The following NUP210 variants were observed in gnomAD, a reference collection of about 807,000 sequenced individuals.
NUP210 encodes nucleoporin 210.
NUP210 carries 151 observed loss-of-function variants against 196.0 expected under a neutral mutation model. The observed-to-expected ratio is 0.77, with a 90% CI of 0.67 to 0.88. The LOEUF is 0.88. NUP210 is among the 40% of genes least tolerant of loss of function. NUP210 has a pLI of 0.00. For synonymous variants in NUP210, 1,070 were observed against 1,052.7 expected, an observed-to-expected ratio of 1.02 and a Z score of -0.32; for missense variants, 2,314 against 2,493.7, an observed-to-expected ratio of 0.93 and a Z score of 1.53.
Position 13,348,305 on chromosome 3 carries a change from G to A in NUP210, c.2835+3574C>T. The A allele has an allele frequency of 1.2e-6, 1 of 863,806 alleles. No homozygotes were observed. Among genetic ancestry groups the A allele is most frequent in the Non-Finnish European group, 1.4e-6 (1 of 718,944 alleles). 53.5% of individuals were successfully genotyped at this position (863,806 alleles called of 1,614,324 possible). On this transcript the variant is annotated intron_variant, in intron 20 of 39. Coordinates refer to ENST00000254508, the MANE Select transcript of NUP210 (RefSeq NM_024923.4). This position sits in a 1 kb window ranked among gnomAD's most constrained non-coding sequence, Gnocchi z 4.0. ...AGAGACAGGGAGCTCACTACCTACA[G>A]CGGCAGCCTAGTCCATCACCGACCT...
At chr3:13,319,422 A>G in intron 37 of NUP210, 97 bp from the exon 38 acceptor site, 1 of 1,023,810 alleles carries the variant, frequency 9.8e-7, no homozygotes, top group Non-Finnish European at 1.5e-6. Context: ...GGCAGTCCAC[A>G]GGTCCCTCTT....
intron 14 of NUP210, among the ~76,000 whole-genome samples, chr3:13,362,606 T>C (rs565843521): frequency 1.3e-5 from 2 of 152,252 alleles, no homozygotes; most frequent in Non-Finnish European, 2.9e-5. Context: ...TGTTTTTGAA[T>C]ATGAACATTT....
Position 13,379,882 on chromosome 3 carries a change from G to C in NUP210, c.818-161C>G, listed in dbSNP as rs898605564. Among the ~76,000 whole-genome samples the C allele has an allele frequency of 6.6e-6, 1 of 152,114 alleles. No homozygotes were observed. The highest frequency in any genetic ancestry group is 1.5e-5 in the Non-Finnish European group (1 of 68,032). On this transcript the variant is annotated intron_variant, in intron 6 of 39. Coordinates refer to ENST00000254508, the MANE Select transcript of NUP210 (RefSeq NM_024923.4). This position sits in a 1 kb window ranked among gnomAD's most constrained non-coding sequence, Gnocchi z 4.2. ...TTTCAGTGCTTTAAATGTTAATATT[G>C]TTCTGCATGCTGGTGGACAAAACTG...
chr3:13,414,445 C>G (rs1172506708), intron 1 of NUP210, among the ~76,000 whole-genome samples: 1 of 152,228 alleles, frequency 6.6e-6, no homozygotes, highest in Non-Finnish European at 1.5e-5. Context: ...GCAGGGGCCA[C>G]AGCTACAGAC....
intron 1 of NUP210, among the ~76,000 whole-genome samples, chr3:13,407,204 G>A (rs751952924): frequency 2.6e-5 from 4 of 152,206 alleles, no homozygotes; most frequent in Non-Finnish European, 4.4e-5. Context: ...TGAAGGAGTT[G>A]TGGTCCTGCA....
chr3:13,327,164 G>A, intron 32 of NUP210, 53 bp downstream of exon 32: 1 of 1,478,698 alleles, frequency 6.8e-7, no homozygotes, highest in Non-Finnish European at 9.2e-7. Flanking sequence ...CCCCCACCCA[G>A]CTTTGCAAGC....
At position 13,388,303 on chromosome 3, in the gene NUP210, C is replaced by T; in HGVS notation, c.684G>A (p.Lys228=). Residue 228 remains lysine (K), a splice_region_variant and synonymous_variant, in exon 5 of 40, where the codon AAG becomes AAA. Transcript: ENST00000254508. ...LKARIQEAVY[K]NVRPAEVRLL... ...TGACACCCCAGCGCCCCAGGCCCAC[C>T]TTGTAGACAGCCTCCTGGATGCGAG... is the stretch of plus-strand genomic sequence containing the variant. 4.4e-6 allele frequency: 7 copies of T among 1,604,146 alleles called. No individual in the cohort carries two copies. The highest frequency in any genetic ancestry group is 1.3e-5 in the African/African-American group (1 of 74,604).
At chr3:13,397,628 A>C in intron 2 of NUP210, 140 bp from the exon 3 acceptor site, 1 of 781,466 alleles carries the variant, frequency 1.3e-6, no homozygotes, top group African/African-American at 1.8e-5. Flanking sequence ...GCTGCCTCAC[A>C]CATGGCCCCA....
intron 36 of NUP210, among the ~76,000 whole-genome samples, chr3:13,320,625 T>C (rs1576337609): frequency 1.0e-5 from 1 of 98,950 alleles, no homozygotes; most frequent in Non-Finnish European, 1.9e-5. Context: ...AGAGCGAGAC[T>C]CCGTCTCAAA....
At chr3:13,335,396 AT>A in intron 28 of NUP210, 57 bp downstream of exon 28, 1 of 1,575,642 alleles carries the variant, frequency 6.3e-7, no homozygotes, top group Non-Finnish European at 8.7e-7. Context: ...CCGAAGGAAG[AT>A]TGGGCAGCTG....
chr3:13,356,427 G>C (rs1238679906), intron 16 of NUP210, among the ~76,000 whole-genome samples: 1 of 152,154 alleles, frequency 6.6e-6, no homozygotes, highest in Non-Finnish European at 1.5e-5. Context: ...GGCGGATCAC[G>C]AGGTCAGGAG....
chr3:13,383,516 CTTTT>C (rs3032854), intron 6 of NUP210, among the ~76,000 whole-genome samples: 4 of 70,936 alleles, frequency 5.6e-5, no homozygotes, highest in Non-Finnish European at 7.5e-5. Context: ...AGAGTGAGCT[CTTTT>C]TTTTTTTTTT....
At position 13,394,335 on chromosome 3, in the gene NUP210, C is replaced by G. The variant is rs1032663675; in HGVS notation, c.436+3022G>C. Among the ~76,000 whole-genome samples the G allele has an allele frequency of 1.6e-4, 25 of 152,320 alleles. 3 individuals are homozygous for G. Among genetic ancestry groups the G allele is most frequent in the Admixed American group, 8.5e-4 (13 of 15,306 alleles). On this transcript the variant is annotated intron_variant, in intron 3 of 39. Transcript: ENST00000254508. The stretch of plus-strand genomic sequence containing the variant: ...GGCCAGGAAATAGCTGTGAAAACCT[C>G]TGCTCAAAGTTTTGCTTTTTCCACG...
intron 1 of NUP210, among the ~76,000 whole-genome samples, chr3:13,413,769 A>C (rs1700254405): frequency 6.6e-6 from 1 of 152,248 alleles, no homozygotes; most frequent in Non-Finnish European, 1.5e-5. Context: ...TGGATGGTGG[A>C]GGTGGCTGCA....
chr3:13,335,633 T>C, intron 27 of NUP210, 21 bp from the exon 28 acceptor site: 1 of 1,612,208 alleles, frequency 6.2e-7, no homozygotes, highest in East Asian at 2.2e-5. Context: ...ATCAAACACG[T>C]TTTCAGGGGT....
rs1450415595 is a variant in NUP210, at chr3:13,372,010, C to T, written c.1610G>A (p.Ser537Asn). The T allele has an allele frequency of 1.1e-5, 17 of 1,585,386 alleles. No homozygotes were observed. Among genetic ancestry groups the T allele is most frequent in the Non-Finnish European group, 1.5e-5 (17 of 1,164,762 alleles). The change falls in exon 13 of 40, where the codon AGC becomes AAC. Residue 537 changes from serine to asparagine, a missense_variant. By Grantham distance (46) the Ser-to-Asn change is conservative. Coordinates refer to ENST00000254508, the MANE Select transcript of NUP210 (RefSeq NM_024923.4). Reference protein sequence around the residue: ...EMKVYVIEPHSMEFAPCQVEA... With the variant: ...EMKVYVIEPHNMEFAPCQVEA... ...CACCTGGCACGGGGCAAACTCCATG[C>T]TGTGGGGCTCGATCACATACACCTG... is the stretch of plus-strand genomic sequence containing the variant.
intron 20 of NUP210, among the ~76,000 whole-genome samples, chr3:13,346,818 C>T (rs1351544620): frequency 6.6e-6 from 1 of 152,202 alleles, no homozygotes; most frequent in African/African-American, 2.4e-5. Context: ...CAGGAAGTGC[C>T]AAGCGAGTGT....
At position 13,323,905 on chromosome 3, in the gene NUP210, A is replaced by G. The variant is rs1294055861; in HGVS notation, c.4645-473T>C. ...ACTCCCTTGGCTAGGACACCCTCCCATCTTCTCTGCAGAGCCCAGCCTCAT... is the reference window on the plus strand; with the variant it reads ...ACTCCCTTGGCTAGGACACCCTCCCGTCTTCTCTGCAGAGCCCAGCCTCAT... On this transcript the variant is annotated intron_variant, in intron 33 of 39. Coordinates refer to ENST00000254508, the MANE Select transcript of NUP210 (RefSeq NM_024923.4). The surrounding 1 kb of genome is among the most constrained non-coding windows in gnomAD (Gnocchi z 4.3). Among the ~76,000 whole-genome samples the G allele has an allele frequency of 6.6e-6, 1 of 151,968 alleles. No individual in the cohort carries two copies. The highest frequency in any genetic ancestry group is 1.5e-5 in the Non-Finnish European group (1 of 67,966).
At chr3:13,367,297 T>C (rs1698573068) in intron 13 of NUP210, among the ~76,000 whole-genome samples, 1 of 151,930 alleles carries the variant, frequency 6.6e-6, no homozygotes, top group Non-Finnish European at 1.5e-5. Flanking sequence ...TAGCCGCGTG[T>C]GGTGGCGCCT....
Sources: gnomAD v4.1 joint callset for allele counts (sites outside exome capture counted in the v4.1 genomes callset) on GRCh38, gnomAD v4.1.1 for gene constraint, Gnocchi (gnomAD v3.1) non-coding constraint, MANE v1.5 for transcripts, NCBI Gene and HGNC (gene_info 2026-07-23, HGNC 2026-07-21) for gene names.